KLK7: variants seen among roughly 807,000 people sequenced by gnomAD.
KLK7 encodes the protein kallikrein-7.
KLK7 carries 17 observed loss-of-function variants against 21.0 expected under a neutral mutation model. The ratio of observed to expected loss-of-function variants is 0.81; its 90% CI spans 0.55 to 1.21. KLK7 has a LOEUF of 1.21. Ranked by LOEUF, KLK7 falls within the 50% of genes most tolerant of loss-of-function variation. KLK7 has a pLI of 0.00. For synonymous variants in KLK7, 151 were observed against 134.6 expected, an observed-to-expected ratio of 1.12 and a Z score of -0.85; for missense variants, 330 against 322.8, an observed-to-expected ratio of 1.02 and a Z score of -0.17.
At chr19:50,983,201 G>C (rs2091104307) in intron 1 of KLK7, among the ~76,000 whole-genome samples, 1 of 129,776 alleles carries the variant, frequency 7.7e-6, no homozygotes, top group African/African-American at 3.2e-5. Flanking sequence ...TCAGGCCCAG[G>C]AGTCCAGGCC....
intron 2 of KLK7, 82 bp downstream of exon 2, chr19:50,982,245 G>A: frequency 6.6e-7 from 1 of 1,526,274 alleles, no homozygotes; most frequent in South Asian, 1.2e-5. Context: ...TTTGAGGAGG[G>A]AAGGGTTCTG....
At chr19:50,982,573 A>C in intron 1 of KLK7, 116 bp from the exon 2 acceptor site, 1 of 192,722 alleles carries the variant, frequency 5.2e-6, no homozygotes, top group South Asian at 7.7e-5. Flanking sequence ...CCTCCCTCAG[A>C]CCCAGGGGTC....
chr19:50,982,152 G>A, intron 2 of KLK7, 175 bp downstream of exon 2: 1 of 924,100 alleles, frequency 1.1e-6, no homozygotes. Flanking sequence ...AGGGCCTGGA[G>A]GGGACAGAGA....
rs767545974 is a variant in KLK7 at position 50,979,809 on chromosome 19, G to A, written c.585C>T (p.Asp195=). ...ENSMLCAGIP[D]SKKNACNGDS... The stretch of plus-strand genomic sequence containing the variant: ...TCACATTGCAGGCGTTTTTCTTGGA[G>A]TCGGGGATGCCAGCGCACAGCATGG... The change falls in exon 5 of 6, where the codon GAC becomes GAT. Residue 195 remains aspartate (D), a synonymous_variant. Transcript: ENST00000595820. 1 of 1,573,480 alleles carries A rather than the reference G, an allele frequency of 6.4e-7. No individual in the cohort carries two copies. The highest frequency in any genetic ancestry group is 8.6e-7 in the Non-Finnish European group (1 of 1,158,274).
intron 1 of KLK7, 82 bp from the exon 2 acceptor site, chr19:50,982,539 C>G: frequency 7.8e-7 from 1 of 1,284,354 alleles, no homozygotes; most frequent in Non-Finnish European, 1.0e-6. Context: ...CCCCACAGAC[C>G]CAGGAGTCCA....
chr19:50,983,645 C>T (rs1014394663), intron 1 of KLK7: 20 of 603,818 alleles, frequency 3.3e-5, no homozygotes, highest in African/African-American at 3.1e-4. Context: ...ATCTAGGCTC[C>T]GATCTTGCCC....
Position 50,976,796 on chromosome 19 carries a change from C to A in KLK7, c.*740G>T, listed in dbSNP as rs1159939946. ...GTGGCTCATGCCTGTAATCCCAGCA[C>A]TTTGGGAGGCCAAGGTGGGTGGATC... On this transcript the variant is annotated 3_prime_UTR_variant, in exon 6 of 6. Transcript: ENST00000595820. 3 of 152,226 alleles carry A rather than the reference C, an allele frequency of 2.0e-5. No homozygotes were observed. Among genetic ancestry groups the A allele is most frequent in the African/African-American group, 7.2e-5 (3 of 41,442 alleles). 9.4% of individuals were successfully genotyped at this position (152,226 alleles called of 1,614,324 possible). A position where few individuals can be genotyped will look rare whatever the true frequency, so the allele number is the denominator to read the frequency against.
intron 5 of KLK7, 60 bp from the exon 6 acceptor site, chr19:50,977,751 A>G (rs1308648403): frequency 2.0e-6 from 3 of 1,533,308 alleles, no homozygotes; most frequent in South Asian, 2.3e-5. Context: ...ACTCATTCTC[A>G]TACATTCCTC....
chr19:50,981,800 C>T lies in KLK7; in HGVS notation c.188G>A (p.Arg63His), dbSNP rs116934490. Residue 63 changes from arginine to histidine, a missense_variant, in exon 3 of 6, where the codon CGC becomes CAC. By Grantham distance (29) the Arg-to-His change is conservative. Transcript: ENST00000595820. ...GCAGTGGGCGGCAGTGAGCACCCAGCGCTCATTGACCAGGACGCCTCCGCA... is the reference window on the plus strand; with the variant it reads ...GCAGTGGGCGGCAGTGAGCACCCAGTGCTCATTGACCAGGACGCCTCCGCA... Reference protein sequence around the residue: ...LHCGGVLVNERWVLTAAHCKM... With the variant: ...LHCGGVLVNEHWVLTAAHCKM... 1.3e-4 allele frequency: 206 copies of T among 1,590,452 alleles called. No homozygotes were observed. The East Asian group carries it at 3.4e-3, about 26-fold the overall frequency.
chr19:50,983,624 G>T, intron 1 of KLK7: 1 of 466,558 alleles, frequency 2.1e-6, no homozygotes. Context: ...CAGATCCCTA[G>T]AGACCCAGGA....
Position 50,977,617 on chromosome 19 carries a change from G to A in KLK7, c.681C>T (p.Gly227=), listed in dbSNP as rs758335462. ...TGTAGACTCCTGGGTCATTGGGTTG[G>A]CCGCAAGGGAAAGTTCCCCAGGACA... ...GLVSWGTFPC[G]QPNDPGVYTQ... Residue 227 remains glycine, a synonymous_variant, in exon 6 of 6, where the codon GGC becomes GGT. Coordinates refer to ENST00000595820, the MANE Select transcript of KLK7 (RefSeq NM_005046.4). 12 of 1,613,348 alleles carry A rather than the reference G, an allele frequency of 7.4e-6. No homozygotes were observed. The highest frequency in any genetic ancestry group is 1.0e-5 in the Non-Finnish European group (12 of 1,179,832).
In KLK7 at chr19:50,981,837, T is replaced by G. The variant is rs757088371; in HGVS notation, c.151A>C (p.Asn51His). The G allele has an allele frequency of 2.5e-6, 4 of 1,609,642 alleles. No homozygotes were observed. Among genetic ancestry groups the G allele is most frequent in the Non-Finnish European group, 3.4e-6 (4 of 1,178,644 alleles). ...AGGACGCCTCCGCAGTGGAGCTGAT[T>G]GCCACTGAGCAGGGCCACCTGCCAT... ...HPWQVALLSG[N>H]QLHCGGVLVN... Residue 51 changes from asparagine to histidine, a missense_variant, in exon 3 of 6, where the codon AAT (asparagine) becomes CAT (histidine). Coordinates refer to ENST00000595820, the MANE Select transcript of KLK7 (RefSeq NM_005046.4).
rs199711552 is a variant in KLK7 at position 50,981,751 on chromosome 19, C to T, written c.221+16G>A. The T allele has an allele frequency of 4.5e-6, 7 of 1,555,888 alleles. No homozygotes were observed. The Admixed American group carries it at 8.0e-5, about 18-fold the overall frequency. Reference sequence around the variant, plus strand: ...GACGCTGGTGCACCTCCAGCAGAGACTTGGGCGGCACCTACTTCATCTTGC... The same window carrying T: ...GACGCTGGTGCACCTCCAGCAGAGATTTGGGCGGCACCTACTTCATCTTGC... On this transcript the variant is annotated intron_variant, in intron 3 of 5. Transcript: ENST00000595820.
At chr19:50,979,625 C>G (rs541407721) in intron 5 of KLK7, among the ~76,000 whole-genome samples, 163 bp downstream of exon 5, 29 of 152,246 alleles carry the variant, frequency 1.9e-4, no homozygotes, top group Admixed American at 1.6e-3. Context: ...TAAACTCCCA[C>G]CCCTGACCTA....
intron 5 of KLK7, among the ~76,000 whole-genome samples, chr19:50,978,423 GGAGA>G (rs1286695641): frequency 1.3e-5 from 2 of 151,606 alleles, no homozygotes; most frequent in African/African-American, 2.4e-5. Flanking sequence ...AAGAGGGAAA[GGAGA>G]GAGAGACAAA....
Position 50,976,705 on chromosome 19 carries a change from A to G in KLK7, c.*831T>C, listed in dbSNP as rs2122233304. The G allele has an allele frequency of 6.6e-6, 1 of 152,334 alleles. No individual in the cohort carries two copies. The highest frequency in any genetic ancestry group is 2.4e-5 in the African/African-American group (1 of 41,548). The allele number at this position is 152,334 out of a possible 1,614,324, so 9.4% of individuals were successfully genotyped here. On this transcript the variant is annotated 3_prime_UTR_variant, in exon 6 of 6. Transcript: ENST00000595820. The stretch of plus-strand genomic sequence containing the variant: ...TCCTATAGCCTAAATGTTCTTGAAT[A>G]ATACTGACAATTCTGTCTAAGTATC...
At chr19:50,982,532 C>G (rs553846581) in intron 1 of KLK7, 75 bp from the exon 2 acceptor site, 17 of 1,391,306 alleles carry the variant, frequency 1.2e-5, no homozygotes, top group Admixed American at 7.0e-5. Flanking sequence ...CCCCTCCCCC[C>G]ACAGACCCAG....
chr19:50,980,621 CAG>C, intron 3 of KLK7, 134 bp from the exon 4 acceptor site: 1 of 968,686 alleles, frequency 1.0e-6, no homozygotes, highest in Non-Finnish European at 1.5e-6. Flanking sequence ...GGAGGGGAGA[CAG>C]AGACCCAGAG....
At position 50,979,869 on chromosome 19, in the gene KLK7, G is replaced by T. The variant is rs377402456; in HGVS notation, c.525C>A (p.Asp175Glu). ...GTAAGTCCTTGTAAACCTTCGTGCA[G>T]TCCTGGGGGGAGATGAGCTTGACAT... ...CVDVKLISPQ[D>E]CTKVYKDLLE... Residue 175 changes from aspartate (D) to glutamate (E), a missense_variant, in exon 5 of 6, where the codon GAC (aspartate) becomes GAA (glutamate). Transcript: ENST00000595820. 1 of 1,589,826 alleles carries T rather than the reference G, an allele frequency of 6.3e-7. No individual in the cohort carries two copies. Among genetic ancestry groups the T allele is most frequent in the Non-Finnish European group, 8.6e-7 (1 of 1,167,942 alleles).
Sources: allele counts gnomAD v4.1 joint callset (sites outside exome capture counted in the v4.1 genomes callset), GRCh38; gene constraint gnomAD v4.1.1; transcripts MANE v1.5; gene names NCBI Gene and HGNC (gene_info 2026-07-23, HGNC 2026-07-21).